The following HNF1B variants were observed in gnomAD, a reference collection of about 807,000 sequenced individuals.
The protein encoded by HNF1B is hepatocyte nuclear factor 1-beta.
In HNF1B, 8 loss-of-function variants were observed where a neutral mutation model predicts 61.7. The ratio of observed to expected loss-of-function variants is 0.13; its 90% CI spans 0.08 to 0.23. HNF1B has a LOEUF of 0.23. Ranked by LOEUF, HNF1B falls within the 10% of genes least tolerant of loss-of-function variation. HNF1B has a pLI of 1.00. For missense variants in HNF1B, 562 were observed against 714.5 expected (o/e 0.79, Z 2.43); for synonymous variants, 314 against 287.7 (o/e 1.09, Z -0.93).
chr17:37,736,057 C>A (rs897418523), intron 2 of HNF1B, among the ~76,000 whole-genome samples: 2 of 152,256 alleles, frequency 1.3e-5, no homozygotes, highest in Non-Finnish European at 2.9e-5. Flanking sequence ...CGTGAGCCAC[C>A]ATGCCCCACC....
At chr17:37,742,849 C>G (rs1301479103) in intron 1 of HNF1B, among the ~76,000 whole-genome samples, 2 of 151,360 alleles carry the variant, frequency 1.3e-5, no homozygotes, top group African/African-American at 2.4e-5. Flanking sequence ...CGCAGGGCCG[C>G]ACGGGGCGCC....
chr17:37,731,249 T>C (rs767770254), intron 4 of HNF1B: 2 of 444,754 alleles, frequency 4.5e-6, no homozygotes, highest in Non-Finnish European at 8.3e-6. Context: ...ACGACCCGTT[T>C]GCCTGCGGTT....
At chr17:37,710,458 CTT>C in intron 5 of HNF1B, 43 bp downstream of exon 5, 1 of 1,609,884 alleles carries the variant, frequency 6.2e-7, no homozygotes, top group Non-Finnish European at 8.5e-7. Context: ...TGTTTTGCCT[CTT>C]ATCTTATCAG....
chr17:37,689,060 G>A (rs1308560329), intron 8 of HNF1B, among the ~76,000 whole-genome samples: 6 of 146,760 alleles, frequency 4.1e-5, no homozygotes, highest in East Asian at 2.1e-4. Context: ...CAAGAGAATC[G>A]TTTGAACCCA....
intron 8 of HNF1B, among the ~76,000 whole-genome samples, chr17:37,696,466 G>A (rs1043044475): frequency 2.6e-5 from 4 of 151,984 alleles, no homozygotes; most frequent in African/African-American, 9.7e-5. Flanking sequence ...AAATAAATAA[G>A]AGCCCAGGGC....
At position 37,744,905 on chromosome 17, in the gene HNF1B, A is replaced by ACAG; in HGVS notation, c.-22_-21insCTG. 3.3e-6 allele frequency: 1 copy of ACAG among 306,252 alleles called. No individual in the cohort carries two copies. Among genetic ancestry groups the ACAG allele is most frequent in the Non-Finnish European group, 6.2e-6 (1 of 160,562 alleles). 19.0% of individuals were successfully genotyped at this position (306,252 alleles called of 1,614,324 possible). A position where few individuals can be genotyped will look rare whatever the true frequency, so the allele number is the denominator to read the frequency against. ...ACCATTTTCCAAGGACGGAAAAAGA[A>ACAG]GGGGGTGAGGGGGTGGGTGGGTGCG... On this transcript the variant is annotated 5_prime_UTR_variant, in exon 1 of 9. Coordinates refer to ENST00000617811, the MANE Select transcript of HNF1B (RefSeq NM_000458.4).
At chr17:37,731,970 G>A (rs368605759) in intron 3 of HNF1B, 140 bp from the exon 4 acceptor site, 20 of 633,068 alleles carry the variant, frequency 3.2e-5, no homozygotes, top group South Asian at 2.8e-4. Context: ...GGGGAGGAGA[G>A]GCCTATGCAG....
In HNF1B at chr17:37,688,335, G is replaced by A. The variant is rs1033301009; in HGVS notation, c.1654-943C>T. Among the ~76,000 whole-genome samples the A allele has an allele frequency of 2.7e-5, 4 of 150,334 alleles. No individual in the cohort carries two copies. In the South Asian group the frequency reaches 8.4e-4, roughly 31 times the overall value. On this transcript the variant is annotated intron_variant, in intron 8 of 8. Transcript: ENST00000617811. ...CCCTTTTGCTTTTGCCGGCATCTAAGGTTCTGCCTTTGACTTAGTGGCTTA... is the reference window on the plus strand; with the variant it reads ...CCCTTTTGCTTTTGCCGGCATCTAAAGTTCTGCCTTTGACTTAGTGGCTTA...
chr17:37,693,671 C>T (rs780592767), intron 8 of HNF1B, among the ~76,000 whole-genome samples: 8 of 152,204 alleles, frequency 5.3e-5, no homozygotes, highest in Non-Finnish European at 1.2e-4. Flanking sequence ...TCCCCTCACT[C>T]GTATGTCCTT....
chr17:37,691,398 C>T (rs570217887), intron 8 of HNF1B, among the ~76,000 whole-genome samples: 29 of 152,184 alleles, frequency 1.9e-4, no homozygotes, highest in African/African-American at 6.3e-4. Context: ...GTAAGTTGGC[C>T]GGGGTCTCAC....
chr17:37,700,320 G>A (rs2032523085), intron 7 of HNF1B, among the ~76,000 whole-genome samples: 1 of 152,232 alleles, frequency 6.6e-6, no homozygotes, highest in Admixed American at 6.5e-5. Context: ...GATTGGATGG[G>A]AAATAAGTGG....
At chr17:37,694,819 G>A (rs928590128) in intron 8 of HNF1B, among the ~76,000 whole-genome samples, 2 of 152,320 alleles carry the variant, frequency 1.3e-5, no homozygotes, top group Admixed American at 1.3e-4. Flanking sequence ...AAACATTCAT[G>A]ATGTGGCCTG....
intron 5 of HNF1B, among the ~76,000 whole-genome samples, chr17:37,707,232 C>T (rs2032782010): frequency 6.6e-6 from 1 of 151,844 alleles, no homozygotes; most frequent in African/African-American, 2.4e-5. Flanking sequence ...CTTGTCACCT[C>T]AACCTCTGGA....
chr17:37,724,926 GTGTGTGTGTGTA>G lies in HNF1B; in HGVS notation c.1045+6657_1045+6668del, dbSNP rs1486104096. On this transcript the variant is annotated intron_variant, in intron 4 of 8. Coordinates refer to ENST00000617811, the MANE Select transcript of HNF1B (RefSeq NM_000458.4). ...TGCGTGTGTGTGTGTGTGTGTGTGT[GTGTGTGTGTGTA>G]TATATATATAATACATATATATGTA... 2.0e-3 allele frequency among the ~76,000 whole-genome samples: 274 copies of G among 138,356 alleles called. 4 individuals carry two copies. The highest frequency in any genetic ancestry group is 6.8e-3 in the African/African-American group (240 of 35,338). The allele number at this position is 138,356 out of a possible 152,430, so 90.8% of individuals were successfully genotyped here.
At chr17:37,727,425 C>T (rs377763217) in intron 4 of HNF1B, among the ~76,000 whole-genome samples, 58 of 152,264 alleles carry the variant, frequency 3.8e-4, no homozygotes, top group South Asian at 3.5e-3. Flanking sequence ...CAAAGGGTGC[C>T]CCTGTGACAC....
In HNF1B at chr17:37,705,048, A is replaced by G. The variant is rs745872139; in HGVS notation, c.1208T>C (p.Ile403Thr). 4 of 1,613,590 alleles carry G rather than the reference A, an allele frequency of 2.5e-6. No individual in the cohort carries two copies. In the African/African-American group the frequency reaches 5.3e-5, roughly 22 times the overall value. Residue 403 changes from isoleucine (I) to threonine (T), a missense_variant and splice_region_variant, in exon 6 of 9, where the codon ATC becomes ACC. Ile to Thr is a moderately conservative substitution (Grantham distance 89). Transcript: ENST00000617811. ...GGGCAAACCTCCTCCTGAGACTGAG[A>G]TCTGATGGAGAGAAAAAAACAAGAG... is the stretch of plus-strand genomic sequence containing the variant. ...HNLLSPDGKM[I>T]SVSGGGLPPV...
chr17:37,728,234 T>C (rs1197040790), intron 4 of HNF1B, among the ~76,000 whole-genome samples: 2 of 151,756 alleles, frequency 1.3e-5, no homozygotes, highest in South Asian at 2.1e-4. Context: ...ACTCCTGACC[T>C]CAAGTGATCT....
intron 4 of HNF1B, among the ~76,000 whole-genome samples, chr17:37,719,166 T>C (rs2033224312): frequency 6.6e-6 from 1 of 151,970 alleles, no homozygotes; most frequent in Non-Finnish European, 1.5e-5. Context: ...GGGGGGTCTA[T>C]GTTGCCCAGG....
intron 2 of HNF1B, among the ~76,000 whole-genome samples, chr17:37,737,760 G>A (rs953599270): frequency 5.3e-5 from 8 of 152,004 alleles, no homozygotes; most frequent in African/African-American, 1.7e-4. Flanking sequence ...GCGTGAACCC[G>A]GGAGGCGGAG....
Sources: gnomAD v4.1 joint callset for allele counts (sites outside exome capture counted in the v4.1 genomes callset) on GRCh38, gnomAD v4.1.1 for gene constraint, MANE v1.5 for transcripts, NCBI Gene and HGNC (gene_info 2026-07-23, HGNC 2026-07-21) for gene names.